The following LMBR1 variants were observed in gnomAD, a reference collection of about 807,000 sequenced individuals.
The protein encoded by LMBR1 is limb development membrane protein 1.
Under a neutral mutation model 73.9 loss-of-function variants are expected in LMBR1, and 52 were observed. The ratio of observed to expected loss-of-function variants is 0.70; its 90% confidence interval spans 0.56 to 0.89. LMBR1 has a LOEUF of 0.89. Among genes scored for constraint, LMBR1 ranks in the 40% least tolerant of loss-of-function variants. The pLI is 0.00. For synonymous variants in LMBR1, 215 were observed against 209.4 expected, an observed-to-expected ratio of 1.03 and a Z score of -0.23; for missense variants, 539 against 579.8, an observed-to-expected ratio of 0.93 and a Z score of 0.72.
intron 5 of LMBR1, among the ~76,000 whole-genome samples, chr7:156,780,631 A>C (rs1826962249): frequency 6.6e-6 from 1 of 152,244 alleles, no homozygotes; most frequent in South Asian, 2.1e-4. Context: ...CATAGAAAAG[A>C]AGAAATGAGA....
intron 6 of LMBR1, among the ~76,000 whole-genome samples, chr7:156,763,447 A>C (rs980363120): frequency 2.7e-5 from 4 of 148,866 alleles, no homozygotes; most frequent in East Asian, 1.9e-4. Flanking sequence ...ACAAAAACAA[A>C]AAAAAAAAAT....
intron 15 of LMBR1, among the ~76,000 whole-genome samples, chr7:156,702,156 G>C (rs1187475244): frequency 6.6e-6 from 1 of 152,094 alleles, no homozygotes; most frequent in Non-Finnish European, 1.5e-5. Flanking sequence ...GAGACTGCTG[G>C]GTCAAATGGT....
At chr7:156,873,631 ATTAG>A (rs1371841813) in intron 1 of LMBR1, among the ~76,000 whole-genome samples, 2 of 152,192 alleles carry the variant, frequency 1.3e-5, no homozygotes, top group Non-Finnish European at 2.9e-5. Context: ...TCCCCATCAG[ATTAG>A]TTAGATACAG....
chr7:156,885,802 C>T (rs1389828685), intron 1 of LMBR1, among the ~76,000 whole-genome samples: 2 of 152,184 alleles, frequency 1.3e-5, no homozygotes, highest in Admixed American at 6.5e-5. Flanking sequence ...CACTTGAACC[C>T]GGGAAGCAGA....
downstream of LMBR1, chr7:156,676,005 G>T: frequency 1.1e-6 from 1 of 907,144 alleles, no homozygotes; most frequent in South Asian, 1.7e-5. Context: ...TGGAGGCTGT[G>T]GGGGTGGCAT....
Position 156,756,432 on chromosome 7 carries a change from T to A in LMBR1, c.718A>T (p.Ile240Phe), listed in dbSNP as rs370561017. ...TGGAGTGCTTCTTCCTCTAAGGTAA[T>A]GATATAAATTTGTTCATCCAGGTCT... ...LEDLDEQIYIITLEEEALQRR... is the reference protein window; with the variant it reads ...LEDLDEQIYIFTLEEEALQRR... Residue 240 changes from isoleucine (I) to phenylalanine (F), a missense_variant, in exon 9 of 17, where the codon ATT becomes TTT. Coordinates refer to ENST00000353442, the MANE Select transcript of LMBR1 (RefSeq NM_022458.4). The A allele has an allele frequency of 4.7e-6, 7 of 1,503,076 alleles. No homozygotes were observed. Among genetic ancestry groups the A allele is most frequent in the African/African-American group, 1.4e-5 (1 of 72,156 alleles). 93.1% of individuals were successfully genotyped at this position (1,503,076 alleles called of 1,614,324 possible).
At chr7:156,695,010 C>A (rs544482700) in intron 15 of LMBR1, among the ~76,000 whole-genome samples, 7 of 152,174 alleles carry the variant, frequency 4.6e-5, no homozygotes, top group Admixed American at 2.0e-4. Flanking sequence ...AGATTCAATA[C>A]AATCCCAGTC....
intron 4 of LMBR1, among the ~76,000 whole-genome samples, chr7:156,816,723 G>A (rs1185702691): frequency 6.6e-6 from 1 of 152,092 alleles, no homozygotes; most frequent in African/African-American, 2.4e-5. Flanking sequence ...ACATAATAAT[G>A]TATCTAAGAT....
chr7:156,821,231 C>T (rs1049067757), intron 4 of LMBR1, among the ~76,000 whole-genome samples: 2 of 152,222 alleles, frequency 1.3e-5, no homozygotes, highest in South Asian at 2.1e-4. Context: ...TAAAGAAGTG[C>T]CGCCAATGCC....
At chr7:156,773,877 C>G (rs1825653878) in intron 5 of LMBR1, among the ~76,000 whole-genome samples, 1 of 135,074 alleles carries the variant, frequency 7.4e-6, no homozygotes, top group Non-Finnish European at 1.6e-5. Flanking sequence ...TAAACAGCTT[C>G]TGCACAGCAA....
intron 15 of LMBR1, among the ~76,000 whole-genome samples, chr7:156,717,653 ACT>A (rs1398087097): frequency 2.0e-5 from 3 of 152,170 alleles, no homozygotes; most frequent in African/African-American, 7.2e-5. Context: ...TCTTTCTGTA[ACT>A]CTCTTTTGGT....
At chr7:156,835,140 A>C (rs559186559) in intron 2 of LMBR1, among the ~76,000 whole-genome samples, 1 of 152,156 alleles carries the variant, frequency 6.6e-6, no homozygotes, top group African/African-American at 2.4e-5. Flanking sequence ...CTTGTCTCAA[A>C]ACAAAACAAA....
At chr7:156,868,675 G>A (rs1387399868) in intron 1 of LMBR1, among the ~76,000 whole-genome samples, 1 of 151,672 alleles carries the variant, frequency 6.6e-6, no homozygotes, top group Non-Finnish European at 1.5e-5. Flanking sequence ...AAAAAAAAAG[G>A]CTTGCAGTGG....
chr7:156,795,033 A>T (rs1376488108), intron 5 of LMBR1, among the ~76,000 whole-genome samples: 2 of 152,216 alleles, frequency 1.3e-5, no homozygotes, highest in Non-Finnish European at 2.9e-5. Flanking sequence ...GGCCTCCAGA[A>T]TTCGACCCTG....
At chr7:156,769,648 T>TG (rs1824806395) in intron 5 of LMBR1, among the ~76,000 whole-genome samples, 1 of 152,224 alleles carries the variant, frequency 6.6e-6, no homozygotes, top group Admixed American at 6.5e-5. Flanking sequence ...ACAAGACTCC[T>TG]GGATCAGAAG....
At chr7:156,702,146 G>A (rs1362520588) in intron 15 of LMBR1, among the ~76,000 whole-genome samples, 2 of 152,190 alleles carry the variant, frequency 1.3e-5, no homozygotes, top group African/African-American at 4.8e-5. Context: ...ACCCAGTAAT[G>A]AGACTGCTGG....
At chr7:156,882,315 G>A (rs1801213431) in intron 1 of LMBR1, among the ~76,000 whole-genome samples, 1 of 152,104 alleles carries the variant, frequency 6.6e-6, no homozygotes, top group Admixed American at 6.6e-5. Context: ...CATGGCAGTG[G>A]GTGCCAGTAG....
chr7:156,842,432 GTTT>G (rs1563509414), intron 1 of LMBR1, among the ~76,000 whole-genome samples: 1 of 152,154 alleles, frequency 6.6e-6, no homozygotes. Context: ...GGAATAACAC[GTTT>G]TAAGACTTGA....
intron 4 of LMBR1, among the ~76,000 whole-genome samples, chr7:156,821,108 G>C (rs745636394): frequency 6.6e-6 from 1 of 152,214 alleles, no homozygotes; most frequent in Non-Finnish European, 1.5e-5. Flanking sequence ...ATCATGAACT[G>C]AATGTTTTCC....
Sources: gnomAD v4.1 joint callset for allele counts (sites outside exome capture counted in the v4.1 genomes callset) on GRCh38, gnomAD v4.1.1 for gene constraint, MANE v1.5 for transcripts, NCBI Gene and HGNC (gene_info 2026-07-23, HGNC 2026-07-21) for gene names.